Variants in TET2 observed in about 807,000 individuals in gnomAD.
TET2 encodes the protein methylcytosine dioxygenase TET2.
TET2 carries 299 observed loss-of-function variants against 142.9 expected under a neutral mutation model. That is an observed-to-expected ratio of 2.09 (90% CI 1.90 to 2.30). The LOEUF (loss-of-function observed/expected upper bound fraction) is 2.30. TET2 is among the 30% of genes most tolerant of loss of function. TET2 has a pLI of 0.00. For synonymous variants in TET2, 819 were observed against 849.0 expected (o/e 0.96, Z 0.61); for missense variants, 2,418 against 2,378.0 (o/e 1.02, Z -0.35).
At chr4:105,271,295 C>G (rs1251114513) in intron 9 of TET2, among the ~76,000 whole-genome samples, 1 of 152,134 alleles carries the variant, frequency 6.6e-6, no homozygotes, top group African/African-American at 2.4e-5. Flanking sequence ...ATCATGTACT[C>G]AGCACCTGCT....
rs2110312284 is a variant in TET2 at position 105,275,204 on chromosome 4, C to T, written c.4694C>T (p.Ser1565Phe). The change falls in exon 11 of 11, where the codon TCC (serine) becomes TTC (phenylalanine). Residue 1565 changes from serine to phenylalanine, a missense_variant. Transcript: ENST00000380013. Reference sequence around the variant, plus strand: ...GTCAACTCTTATTCTGCTTCTGGATCCACCAATCCATACATGAGACGGCCC... The same window carrying T: ...GTCAACTCTTATTCTGCTTCTGGATTCACCAATCCATACATGAGACGGCCC... ...ESVNSYSASG[S>F]TNPYMRRPNP... 1 of 1,552,284 alleles carries T rather than the reference C, an allele frequency of 6.4e-7. No individual in the cohort carries two copies. The highest frequency in any genetic ancestry group is 8.7e-7 in the Non-Finnish European group (1 of 1,147,124).
At chr4:105,214,657 T>G (rs940424733) in intron 2 of TET2, among the ~76,000 whole-genome samples, 9 of 151,632 alleles carry the variant, frequency 5.9e-5, no homozygotes, top group Admixed American at 6.6e-5. Flanking sequence ...TCCCACCCTT[T>G]GCACTGGGGA....
intron 2 of TET2, among the ~76,000 whole-genome samples, chr4:105,198,406 TGAAAAG>T (rs1349367678): frequency 6.6e-6 from 1 of 152,160 alleles, no homozygotes; most frequent in East Asian, 1.9e-4. Context: ...CATTGTCCTA[TGAAAAG>T]GAAAACTATC....
chr4:105,160,983 T>G (rs2110377575), intron 1 of TET2, among the ~76,000 whole-genome samples: 1 of 152,214 alleles, frequency 6.6e-6, no homozygotes, highest in East Asian at 1.9e-4. Flanking sequence ...ACCATCTTGG[T>G]CAGGCTGGTT....
At chr4:105,150,824 T>C (rs923646758) in intron 1 of TET2, among the ~76,000 whole-genome samples, 1 of 152,116 alleles carries the variant, frequency 6.6e-6, no homozygotes, top group African/African-American at 2.4e-5. Flanking sequence ...GTTTGGTATA[T>C]AGTAGGAGAG....
chr4:105,276,546 A>G lies in TET2; in HGVS notation c.*27A>G. 3 of 1,534,246 alleles carry G rather than the reference A, an allele frequency of 2.0e-6. No homozygotes were observed. Among genetic ancestry groups the G allele is most frequent in the Non-Finnish European group, 2.6e-6 (3 of 1,137,246 alleles). On this transcript the variant is annotated 3_prime_UTR_variant, in exon 11 of 11. Coordinates refer to ENST00000380013, the MANE Select transcript of TET2 (RefSeq NM_001127208.3). ...ATCACCCCCTTTTGTTGGTTACCTC[A>G]CTTGAAAAGACCACAACCAACCTGT... is the stretch of plus-strand genomic sequence containing the variant.
intron 8 of TET2, among the ~76,000 whole-genome samples, chr4:105,267,232 TTAAA>T (rs1220756733): frequency 1.3e-5 from 2 of 151,850 alleles, no homozygotes; most frequent in Non-Finnish European, 2.9e-5. Context: ...AACTAGCACT[TTAAA>T]AATGTTAAAC....
In TET2 at chr4:105,234,122, T is replaced by C. The variant is rs773794356; in HGVS notation, c.180T>C (p.Tyr60=). The change falls in exon 3 of 11, where the codon TAT becomes TAC. Residue 60 remains tyrosine, a synonymous_variant. Transcript: ENST00000380013. ...CCAAGTGGCACTCTTTCAAAAGTTA[T>C]TATGGAATACCCTGTATGAAGGGAA... The part of the protein sequence containing the change: ...GDTKWHSFKS[Y]YGIPCMKGSQ... 2.5e-6 allele frequency: 4 copies of C among 1,614,028 alleles called. No individual in the cohort carries two copies. Among genetic ancestry groups the C allele is most frequent in the Non-Finnish European group, 2.5e-6 (3 of 1,180,022 alleles).
chr4:105,274,910 G>T, intron 10 of TET2, 138 bp from the exon 11 acceptor site: 3 of 1,143,466 alleles, frequency 2.6e-6, no homozygotes, highest in South Asian at 2.2e-5. Context: ...CCCTGACTTT[G>T]CTCTTATCTT....
At chr4:105,239,074 G>GT (rs372909927) in intron 3 of TET2, 980 of 210,808 alleles carry the variant, frequency 4.6e-3, no homozygotes, top group East Asian at 0.024. Context: ...TTTGTTTTTT[G>GT]TTTTTTTTTT....
At chr4:105,192,857 T>C (rs996302032) in intron 2 of TET2, among the ~76,000 whole-genome samples, 2 of 152,228 alleles carry the variant, frequency 1.3e-5, no homozygotes, top group South Asian at 4.2e-4. Flanking sequence ...GAAGATATAG[T>C]AGTCAAGTAA....
Position 105,244,584 on chromosome 4 carries a change from A to ATCTTTTTTTTTT in TET2, c.3803+807_3803+808insCTTTTTTTTTTT, listed in dbSNP as rs1237638072. Among the ~76,000 whole-genome samples the ATCTTTTTTTTTT allele has an allele frequency of 4.7e-3, 545 of 116,676 alleles. 78 individuals carry two copies. The highest frequency in any genetic ancestry group is 6.5e-3 in the Non-Finnish European group (380 of 58,170). The allele number at this position is 116,676 out of a possible 152,430, so 76.5% of individuals were successfully genotyped here. On this transcript the variant is annotated intron_variant, in intron 6 of 10. Transcript: ENST00000380013. ...TGAATGTTCACGGTGCTACACAGAA[A>ATCTTTTTTTTTT]TGTTTTTTTTTTTTTTTTTTTTTTT...
chr4:105,154,553 C>A (rs1369803825), intron 1 of TET2, among the ~76,000 whole-genome samples: 2 of 152,096 alleles, frequency 1.3e-5, no homozygotes, highest in Non-Finnish European at 2.9e-5. Flanking sequence ...CTTAATCACT[C>A]AAAAGTTGGC....
At chr4:105,170,042 T>C (rs768016191) in intron 1 of TET2, among the ~76,000 whole-genome samples, 1 of 152,204 alleles carries the variant, frequency 6.6e-6, no homozygotes, top group Non-Finnish European at 1.5e-5. Context: ...GTGCTTAGTT[T>C]TGCTTTGGCT....
intron 1 of TET2, among the ~76,000 whole-genome samples, chr4:105,186,972 G>A (rs1725494191): frequency 6.6e-6 from 1 of 152,058 alleles, no homozygotes; most frequent in Admixed American, 6.6e-5. Flanking sequence ...TTACTAAAGG[G>A]GACTGTTTTG....
At chr4:105,174,380 T>TA (rs1418216981) in intron 1 of TET2, among the ~76,000 whole-genome samples, 1 of 151,940 alleles carries the variant, frequency 6.6e-6, no homozygotes, top group African/African-American at 2.4e-5. Flanking sequence ...GGTTAAAAAG[T>TA]AAAAAACAAA....
chr4:105,269,800 TA>T, intron 9 of TET2, 53 bp downstream of exon 9: 1 of 1,532,268 alleles, frequency 6.5e-7, no homozygotes, highest in Non-Finnish European at 8.8e-7. Flanking sequence ...CTCACACTGC[TA>T]ATAAAGACAT....
chr4:105,230,110 C>T (rs925164786), intron 2 of TET2, among the ~76,000 whole-genome samples: 8 of 152,138 alleles, frequency 5.3e-5, no homozygotes, highest in African/African-American at 1.4e-4. Flanking sequence ...ATCACAATCT[C>T]ACCTCACTGC....
At chr4:105,196,117 C>T (rs944167645) in intron 2 of TET2, among the ~76,000 whole-genome samples, 1 of 152,028 alleles carries the variant, frequency 6.6e-6, no homozygotes, top group African/African-American at 2.4e-5. Context: ...TCAGAGTCAT[C>T]TCACCACTTC....
Sources: gnomAD v4.1 joint callset for allele counts (sites outside exome capture counted in the v4.1 genomes callset) on GRCh38, gnomAD v4.1.1 for gene constraint, MANE v1.5 for transcripts, NCBI Gene and HGNC (gene_info 2026-07-23, HGNC 2026-07-21) for gene names.